Variants in NRG3 observed in about 807,000 individuals in gnomAD.
NRG3 encodes pro-neuregulin-3, membrane-bound isoform.
NRG3 carries 31 observed loss-of-function variants against 66.9 expected under a neutral mutation model. The observed-to-expected ratio is 0.46, with a 90% CI of 0.35 to 0.63. The LOEUF is 0.63. NRG3 is among the 20% of genes least tolerant of loss of function. The probability of loss-of-function intolerance (pLI) is 0.00; values close to 1 mark genes in which losing one functional copy is unlikely to be tolerated. For missense variants in NRG3, 910 were observed against 878.9 expected, an observed-to-expected ratio of 1.04 and a Z score of -0.45; for synonymous variants, 393 against 359.4, an observed-to-expected ratio of 1.09 and a Z score of -1.06.
At chr10:82,527,851 T>C (rs1333512471) in intron 2 of NRG3, among the ~76,000 whole-genome samples, 1 of 151,764 alleles carries the variant, frequency 6.6e-6, no homozygotes, top group African/African-American at 2.4e-5. Flanking sequence ...ATGGTCCCTG[T>C]GGTAGCAGTT....
intron 2 of NRG3, among the ~76,000 whole-genome samples, chr10:82,723,595 A>C (rs17100613): frequency 0.022 from 3,343 of 152,316 alleles, 119 homozygotes; most frequent in African/African-American, 0.074. Context: ...GGAAAAAAAA[A>C]TAGAATGATA....
Position 82,097,864 on chromosome 10 carries a change from T to C in NRG3, c.823+221701T>C, listed in dbSNP as rs1014201458. ...ACATTTGCCTAATGAATAATGGTGT[T>C]GAACATATGTTTGTGATTATTTGCC... On this transcript the variant is annotated intron_variant, in intron 1 of 8. Transcript: ENST00000372141. Among the ~76,000 whole-genome samples, 9 of 152,146 alleles carry C rather than the reference T, an allele frequency of 5.9e-5. No individual in the cohort carries two copies. In the East Asian group the frequency reaches 1.7e-3, roughly 29 times the overall value.
At chr10:82,378,817 C>T (rs1007283411) in intron 2 of NRG3, among the ~76,000 whole-genome samples, 3 of 151,960 alleles carry the variant, frequency 2.0e-5, no homozygotes, top group Non-Finnish European at 2.9e-5. Flanking sequence ...GTGATCCACC[C>T]ACCTCGGCCT....
intron 1 of NRG3, among the ~76,000 whole-genome samples, chr10:82,300,465 A>G (rs17099749): frequency 0.16 from 24,576 of 152,126 alleles, 4,600 homozygotes; most frequent in African/African-American, 0.45. Context: ...CAGAAAAATT[A>G]AGTGATTTCA....
intron 1 of NRG3, among the ~76,000 whole-genome samples, chr10:82,246,133 C>T (rs1251676321): frequency 6.6e-6 from 1 of 151,682 alleles, no homozygotes; most frequent in South Asian, 2.1e-4. Flanking sequence ...TTGCAGTTTT[C>T]GCATGTAACT....
At chr10:82,172,310 T>C (rs2072687813) in intron 1 of NRG3, among the ~76,000 whole-genome samples, 1 of 152,162 alleles carries the variant, frequency 6.6e-6, no homozygotes, top group African/African-American at 2.4e-5. Context: ...TCTAAAAGGC[T>C]AAGAATGTGA....
intron 1 of NRG3, among the ~76,000 whole-genome samples, chr10:82,208,732 C>T (rs935882726): frequency 2.6e-5 from 4 of 151,866 alleles, no homozygotes; most frequent in East Asian, 1.9e-4. Context: ...ACTAGTTTAT[C>T]GCAGAGCTAA....
At chr10:82,826,451 G>A (rs2062213106) in intron 3 of NRG3, among the ~76,000 whole-genome samples, 2 of 152,240 alleles carry the variant, frequency 1.3e-5, no homozygotes, top group African/African-American at 4.8e-5. Flanking sequence ...TAAAAGGCAT[G>A]TAGCTTTTTT....
At chr10:82,135,917 G>A (rs868379474) in intron 1 of NRG3, among the ~76,000 whole-genome samples, 5 of 152,118 alleles carry the variant, frequency 3.3e-5, no homozygotes, top group South Asian at 2.1e-4. Flanking sequence ...CAATGTCTAG[G>A]CATTGAAGAG....
intron 1 of NRG3, among the ~76,000 whole-genome samples, chr10:82,271,005 C>A (rs1273113176): frequency 1.3e-5 from 2 of 152,000 alleles, no homozygotes; most frequent in African/African-American, 4.8e-5. Flanking sequence ...ATGATATTGC[C>A]AGCCAGAAAA....
At chr10:82,791,694 A>G (rs1312627073) in intron 3 of NRG3, among the ~76,000 whole-genome samples, 1 of 152,172 alleles carries the variant, frequency 6.6e-6, no homozygotes, top group Non-Finnish European at 1.5e-5. Flanking sequence ...AGTAGGAAAT[A>G]TTATTCCCCA....
intron 2 of NRG3, among the ~76,000 whole-genome samples, chr10:82,613,382 A>G (rs1353408803): frequency 2.0e-5 from 3 of 151,874 alleles, no homozygotes; most frequent in Non-Finnish European, 4.4e-5. Flanking sequence ...TCATTAAAAA[A>G]TTGTGGAAGG....
chr10:82,610,356 C>T (rs1392628030), intron 2 of NRG3, among the ~76,000 whole-genome samples: 1 of 151,992 alleles, frequency 6.6e-6, no homozygotes, highest in Non-Finnish European at 1.5e-5. Flanking sequence ...GAGTGTGGAC[C>T]TCTTCAGGGG....
intron 2 of NRG3, among the ~76,000 whole-genome samples, chr10:82,723,897 T>C (rs12246711): frequency 0.082 from 12,446 of 151,964 alleles, 635 homozygotes; most frequent in East Asian, 0.2. Context: ...GGAGAATCAC[T>C]TGAACCTGGG....
chr10:82,669,826 G>T (rs2053113503), intron 2 of NRG3, among the ~76,000 whole-genome samples: 1 of 151,904 alleles, frequency 6.6e-6, no homozygotes, highest in African/African-American at 2.4e-5. Flanking sequence ...TGCTCAGGAG[G>T]CTGAGGCAGG....
At chr10:81,924,797 C>T (rs1197621203) in intron 1 of NRG3, among the ~76,000 whole-genome samples, 1 of 152,126 alleles carries the variant, frequency 6.6e-6, no homozygotes, top group Non-Finnish European at 1.5e-5. Context: ...TGGCCAGCAT[C>T]CATAACAATG....
At position 81,924,727 on chromosome 10, in the gene NRG3, A is replaced by T. The variant is rs528007446; in HGVS notation, c.823+48564A>T. ...TTTAGGCCTTTTGTCCAGTGTGCTC[A>T]TTTGCTTCTTGGTTTGCTGGTATTA... is the stretch of plus-strand genomic sequence containing the variant. On this transcript the variant is annotated intron_variant, in intron 1 of 8. Transcript: ENST00000372141. Among the ~76,000 whole-genome samples, 177 of 152,238 alleles carry T rather than the reference A, an allele frequency of 1.2e-3. 1 individual carries two copies. Among genetic ancestry groups the T allele is most frequent in the Middle Eastern group, 0.01 (3 of 294 alleles).
chr10:81,908,949 T>A (rs1304281151), intron 1 of NRG3, among the ~76,000 whole-genome samples: 1 of 152,164 alleles, frequency 6.6e-6, no homozygotes, highest in Non-Finnish European at 1.5e-5. Context: ...GGAGTTGTAC[T>A]AGTTTTCTAG....
At chr10:81,939,419 G>C (rs1230986000) in intron 1 of NRG3, among the ~76,000 whole-genome samples, 1 of 151,784 alleles carries the variant, frequency 6.6e-6, no homozygotes, top group Non-Finnish European at 1.5e-5. Context: ...GTTGTTAGGA[G>C]ATTTTTTTAT....
Sources: allele counts gnomAD v4.1 joint callset (sites outside exome capture counted in the v4.1 genomes callset), GRCh38; gene constraint gnomAD v4.1.1; transcripts MANE v1.5; gene names NCBI Gene and HGNC (gene_info 2026-07-23, HGNC 2026-07-21).